The following PTPRN2 variants were observed in gnomAD, a reference collection of about 807,000 sequenced individuals.
PTPRN2 encodes the protein receptor-type tyrosine-protein phosphatase N2.
In PTPRN2, 74 loss-of-function variants were observed where a neutral mutation model predicts 118.8. That is an observed-to-expected ratio of 0.62 (90% confidence interval 0.52 to 0.76). PTPRN2 has a LOEUF of 0.76. PTPRN2 is among the 30% of genes least tolerant of loss of function. PTPRN2 has a pLI of 0.00. For synonymous variants in PTPRN2, 641 were observed against 608.0 expected (o/e 1.05, Z -0.80); for missense variants, 1,481 against 1,394.4 (o/e 1.06, Z -0.99).
At chr7:158,141,620 A>T (rs1819395560) in intron 6 of PTPRN2, among the ~76,000 whole-genome samples, 1 of 152,040 alleles carries the variant, frequency 6.6e-6, no homozygotes, top group Admixed American at 6.5e-5. Context: ...GGCTGTAAGG[A>T]CACATTTTTT....
At position 157,968,933 on chromosome 7, in the gene PTPRN2, C is replaced by T. The variant is rs187225508; in HGVS notation, c.1724-70196G>A. On this transcript the variant is annotated intron_variant, in intron 11 of 22. Coordinates refer to ENST00000389418, the MANE Select transcript of PTPRN2 (RefSeq NM_002847.5). Reference sequence around the variant, plus strand: ...CATGGGCGATGGAAGTGACCTCTGTCGGCTCAGTGGAAGGTGCCGAAGAAA... The same window carrying T: ...CATGGGCGATGGAAGTGACCTCTGTTGGCTCAGTGGAAGGTGCCGAAGAAA... Among the ~76,000 whole-genome samples, 79 of 152,286 alleles carry T rather than the reference C, an allele frequency of 5.2e-4. No individual in the cohort carries two copies. The South Asian group carries it at 0.011, about 21-fold the overall frequency.
chr7:158,296,276 A>G (rs1800492170), intron 3 of PTPRN2, among the ~76,000 whole-genome samples: 1 of 152,162 alleles, frequency 6.6e-6, no homozygotes, highest in South Asian at 2.1e-4. Context: ...ACACCGGCAG[A>G]AGAACTCACT....
intron 12 of PTPRN2, among the ~76,000 whole-genome samples, chr7:157,892,331 C>G (rs1357350918): frequency 6.6e-6 from 1 of 152,188 alleles, no homozygotes; most frequent in African/African-American, 2.4e-5. Flanking sequence ...GTGATTATCA[C>G]TTTCCTTTGG....
Position 158,317,765 on chromosome 7 carries a change from G to A in PTPRN2, c.164-833C>T, listed in dbSNP as rs188422662. On this transcript the variant is annotated intron_variant, in intron 2 of 22. Coordinates refer to ENST00000389418, the MANE Select transcript of PTPRN2 (RefSeq NM_002847.5). ...CTTTTATTGTTCACTAGGTTTCGCC[G>A]TGCAGCTTGGCTGAAGAAAGCCATT... is the stretch of plus-strand genomic sequence containing the variant. Among the ~76,000 whole-genome samples the A allele has an allele frequency of 2.9e-3, 443 of 152,290 alleles. 1 individual carries two copies. The highest frequency in any genetic ancestry group is 9.8e-3 in the African/African-American group (406 of 41,556).
At position 158,132,512 on chromosome 7, in the gene PTPRN2, C is replaced by A. The variant is rs1273544916; in HGVS notation, c.1556+1165G>T. Among the ~76,000 whole-genome samples, 3 of 151,116 alleles carry A rather than the reference C, an allele frequency of 2.0e-5. 1 individual carries two copies. Among genetic ancestry groups the A allele is most frequent in the East Asian group, 3.9e-4 (2 of 5,170 alleles). ...ACGCACATGCACATACAGATGCACA[C>A]ACATTTACCCAACGTACACTCATAT... is the stretch of plus-strand genomic sequence containing the variant. On this transcript the variant is annotated intron_variant, in intron 9 of 22. Coordinates refer to ENST00000389418, the MANE Select transcript of PTPRN2 (RefSeq NM_002847.5).
chr7:157,780,491 G>A lies in PTPRN2; in HGVS notation c.1789-97554C>T, dbSNP rs1293976178. On this transcript the variant is annotated intron_variant, in intron 12 of 22. Coordinates refer to ENST00000389418, the MANE Select transcript of PTPRN2 (RefSeq NM_002847.5). This position sits in a 1 kb window ranked among gnomAD's most constrained non-coding sequence, Gnocchi z 4.5. ...ACACGGCCCAGAGCAACTGAAGTTC[G>A]CTTGTCCCCACAGGCAGCTCGACAT... is the stretch of plus-strand genomic sequence containing the variant. 2.0e-5 allele frequency among the ~76,000 whole-genome samples: 3 copies of A among 152,200 alleles called. No homozygotes were observed. Among genetic ancestry groups the A allele is most frequent in the African/African-American group, 7.2e-5 (3 of 41,450 alleles).
In PTPRN2 at chr7:157,603,301, T is replaced by C. The variant is rs1321654830; in HGVS notation, c.2418+701A>G. Among the ~76,000 whole-genome samples the C allele has an allele frequency of 6.6e-6, 1 of 151,930 alleles. No individual in the cohort carries two copies. The highest frequency in any genetic ancestry group is 1.5e-5 in the Non-Finnish European group (1 of 67,984). On this transcript the variant is annotated intron_variant, in intron 16 of 22. Coordinates refer to ENST00000389418, the MANE Select transcript of PTPRN2 (RefSeq NM_002847.5). This position sits in a 1 kb window ranked among gnomAD's most constrained non-coding sequence, Gnocchi z 5.4. ...CATTCAGCCCTGCTCCCCCGACAGG[T>C]CATGACAGGGAAGGGGGATGCCCAG...
chr7:158,147,593 C>T (rs1820265666), intron 6 of PTPRN2, among the ~76,000 whole-genome samples: 2 of 131,174 alleles, frequency 1.5e-5, no homozygotes, highest in Admixed American at 1.5e-4. Flanking sequence ...CGTGTCTTTC[C>T]CCCTCAATGA....
At chr7:157,825,119 G>A (rs568389162) in intron 12 of PTPRN2, among the ~76,000 whole-genome samples, 14 of 152,310 alleles carry the variant, frequency 9.2e-5, no homozygotes, top group African/African-American at 2.4e-4. Flanking sequence ...AGCTGGACAC[G>A]TGGATGAAGT....
intron 12 of PTPRN2, among the ~76,000 whole-genome samples, chr7:157,698,861 T>C (rs758018106): frequency 1.4e-4 from 21 of 152,262 alleles, no homozygotes; most frequent in Non-Finnish European, 2.4e-4. Flanking sequence ...AACTAGATTA[T>C]ATTCTTTTCA....
At chr7:158,336,324 A>T (rs1407382567) in intron 2 of PTPRN2, among the ~76,000 whole-genome samples, 2 of 141,780 alleles carry the variant, frequency 1.4e-5, no homozygotes, top group African/African-American at 5.4e-5. Context: ...TCACCATAAG[A>T]GGTGACACCT....
At chr7:158,142,196 G>A (rs73173604) in intron 6 of PTPRN2, among the ~76,000 whole-genome samples, 15,181 of 152,206 alleles carry the variant, frequency 0.1, 838 homozygotes, top group African/African-American at 0.14. Flanking sequence ...CAAACCCTGC[G>A]ATCCGGAGCC....
intron 16 of PTPRN2, among the ~76,000 whole-genome samples, chr7:157,599,154 C>A (rs1478940172): frequency 2.0e-5 from 3 of 152,058 alleles, no homozygotes; most frequent in African/African-American, 7.2e-5. Context: ...GGATTACAGG[C>A]GTGTGCCACC....
chr7:158,559,944 C>A (rs896996197), intron 1 of PTPRN2, among the ~76,000 whole-genome samples: 4 of 152,216 alleles, frequency 2.6e-5, no homozygotes, highest in African/African-American at 9.7e-5. Flanking sequence ...GCACATTGTT[C>A]TCCAACAGAT....
rs931368662 is a variant in PTPRN2 at position 157,868,688 on chromosome 7, C to T, written c.1788+29985G>A. On this transcript the variant is annotated intron_variant, in intron 12 of 22. Coordinates refer to ENST00000389418, the MANE Select transcript of PTPRN2 (RefSeq NM_002847.5). This position sits in a 1 kb window ranked among gnomAD's most constrained non-coding sequence, Gnocchi z 5.2. Reference sequence around the variant, plus strand: ...CTTCCCTTGCTCACTCCCTCCCTCACCCACCTGCCCACTCGCCCATCCACT... The same window carrying T: ...CTTCCCTTGCTCACTCCCTCCCTCATCCACCTGCCCACTCGCCCATCCACT... The T allele has an allele frequency of 6.6e-6, 1 of 152,294 alleles. No individual in the cohort carries two copies. Among genetic ancestry groups the T allele is most frequent in the Non-Finnish European group, 1.5e-5 (1 of 68,120 alleles). The allele number at this position is 152,294 out of a possible 1,614,324, so 9.4% of individuals were successfully genotyped here. A position where few individuals can be genotyped will look rare whatever the true frequency, so the allele number is the denominator to read the frequency against.
rs1278318244 is a variant in PTPRN2, at chr7:158,587,583, G to T, written c.87C>A (p.Arg29=). Reference sequence around the variant, plus strand: ...CCAGACGCCCCGGGAGCTGCCGGCCGCGGGGGACGGACGAAGGGGCGGCAG... The same window carrying T: ...CCAGACGCCCCGGGAGCTGCCGGCCTCGGGGGACGGACGAAGGGGCGGCAG... ...VLPAAPSSVP[R]GRQLPGRLGC... Residue 29 remains arginine (R), a synonymous_variant, in exon 1 of 23, where the codon CGC becomes CGA. Transcript: ENST00000389418. 5 of 1,334,626 alleles carry T rather than the reference G, an allele frequency of 3.7e-6. No homozygotes were observed. In the East Asian group the frequency reaches 1.5e-4, roughly 41 times the overall value. The allele number at this position is 1,334,626 out of a possible 1,614,324, so 82.7% of individuals were successfully genotyped here.
intron 12 of PTPRN2, among the ~76,000 whole-genome samples, chr7:157,733,346 T>G (rs34442715): frequency 1.3e-4 from 2 of 15,076 alleles, no homozygotes; most frequent in African/African-American, 3.5e-4. Flanking sequence ...TTCCGTCCCA[T>G]GCGCCCAGCA....
rs1401542560 is a variant in PTPRN2 at position 157,539,630 on chromosome 7, G to A, written c.*1084C>T. 6.6e-6 allele frequency: 1 copy of A among 152,266 alleles called. No homozygotes were observed. Among genetic ancestry groups the A allele is most frequent in the Non-Finnish European group, 1.5e-5 (1 of 68,086 alleles). 9.4% of individuals were successfully genotyped at this position (152,266 alleles called of 1,614,324 possible). On this transcript the variant is annotated 3_prime_UTR_variant, in exon 23 of 23. Transcript: ENST00000389418. ...GTTCATTAAGTGATCCCGGGAAGAG[G>A]GGCAGGGCCGGTCGGCTGGTTTCTC...
At chr7:158,219,667 A>G (rs935196577) in intron 3 of PTPRN2, among the ~76,000 whole-genome samples, 9 of 151,992 alleles carry the variant, frequency 5.9e-5, no homozygotes, top group African/African-American at 2.2e-4. Flanking sequence ...AGCTAGATTA[A>G]CAAAAATAGA....
Sources: gnomAD v4.1 joint callset for allele counts (sites outside exome capture counted in the v4.1 genomes callset) on GRCh38, gnomAD v4.1.1 for gene constraint, Gnocchi (gnomAD v3.1) non-coding constraint, MANE v1.5 for transcripts, NCBI Gene and HGNC (gene_info 2026-07-23, HGNC 2026-07-21) for gene names.